Variants in PCDHGB4 observed in about 807,000 individuals in gnomAD.
PCDHGB4 encodes the protein protocadherin gamma-B4.
PCDHGB4 carries 38 observed loss-of-function variants against 60.5 expected under a neutral mutation model. The ratio of observed to expected loss-of-function variants is 0.63; its 90% confidence interval spans 0.48 to 0.82. PCDHGB4 has a LOEUF of 0.82. Ranked by LOEUF, PCDHGB4 falls within the 40% of genes least tolerant of loss-of-function variation. PCDHGB4 has a pLI of 0.00. For missense variants in PCDHGB4, 1,109 were observed against 1,209.6 expected, an observed-to-expected ratio of 0.92 and a Z score of 1.23; for synonymous variants, 456 against 509.7, an observed-to-expected ratio of 0.89 and a Z score of 1.42.
chr5:141,441,230 ATTTAAATCACAAGATC>A (rs1009424536), intron 1 of PCDHGB4: 1 of 152,196 alleles, frequency 6.6e-6, no homozygotes, highest in African/African-American at 2.4e-5. Context: ...ACTGTCCAGG[ATTTAAATCACAAGATC>A]TTTAAATCAC....
In PCDHGB4 at chr5:141,485,457, T is replaced by G; in HGVS notation, c.2398-9350T>G. 1 of 1,614,124 alleles carries G rather than the reference T, an allele frequency of 6.2e-7. No individual in the cohort carries two copies. Among genetic ancestry groups the G allele is most frequent in the Non-Finnish European group, 8.5e-7 (1 of 1,180,020 alleles). On this transcript the variant is annotated intron_variant, in intron 1 of 3. Coordinates refer to ENST00000519479, the MANE Select transcript of PCDHGB4 (RefSeq NM_003736.4). This position sits in a 1 kb window ranked among gnomAD's most constrained non-coding sequence, Gnocchi z 5.7. ...AAGAACCCAATCGACCGAGAGGCAC[T>G]GTGTGGGCTCAGTGCCAGCTGCATC...
At chr5:141,426,033 C>G (rs978171140) in intron 1 of PCDHGB4, among the ~76,000 whole-genome samples, 14 of 152,162 alleles carry the variant, frequency 9.2e-5, no homozygotes, top group African/African-American at 3.1e-4. Context: ...AGACTCAGAG[C>G]CCTGCTGTTG....
rs200524415 is a variant in PCDHGB4, at chr5:141,487,436, G to C, written c.2398-7371G>C. 1 of 1,614,176 alleles carries C rather than the reference G, an allele frequency of 6.2e-7. No individual in the cohort carries two copies. Among genetic ancestry groups the C allele is most frequent in the East Asian group, 2.2e-5 (1 of 44,870 alleles). ...CAATGGGATCCTCCGAATCCAGCTAGGGTCAGATGACCCTATCAAGTTTGT... is the reference window on the plus strand; with the variant it reads ...CAATGGGATCCTCCGAATCCAGCTACGGTCAGATGACCCTATCAAGTTTGT... On this transcript the variant is annotated intron_variant, in intron 1 of 3. Coordinates refer to ENST00000519479, the MANE Select transcript of PCDHGB4 (RefSeq NM_003736.4). This position sits in a 1 kb window ranked among gnomAD's most constrained non-coding sequence, Gnocchi z 5.0.
chr5:141,402,908 G>C (rs772824235), intron 1 of PCDHGB4: 1 of 1,545,226 alleles, frequency 6.5e-7, no homozygotes, highest in African/African-American at 1.4e-5. Flanking sequence ...TGATGAAGCA[G>C]CGCGCACAGA....
rs773471969 is a variant in PCDHGB4, at chr5:141,422,101, A to G, written c.2397+31820A>G. 11 of 1,610,046 alleles carry G rather than the reference A, an allele frequency of 6.8e-6. No individual in the cohort carries two copies. The highest frequency in any genetic ancestry group is 4.5e-5 in the East Asian group (2 of 44,870). ...GAACATGGAAAGCAAGGCTTCTGAA[A>G]TATTCCAATTGGATTCACAAACTGG... On this transcript the variant is annotated intron_variant, in intron 1 of 3. Coordinates refer to ENST00000519479, the MANE Select transcript of PCDHGB4 (RefSeq NM_003736.4).
At position 141,418,775 on chromosome 5, in the gene PCDHGB4, C is replaced by T. The variant is rs773519128; in HGVS notation, c.2397+28494C>T. 4 of 1,613,764 alleles carry T rather than the reference C, an allele frequency of 2.5e-6. No individual in the cohort carries two copies. In the East Asian group the frequency reaches 6.7e-5, roughly 27 times the overall value. ...TACAGGAAACATTCTAACTCAGCAG[C>T]CTTTGGATTTTGAAGAAGTAGAAAG... On this transcript the variant is annotated intron_variant, in intron 1 of 3. Transcript: ENST00000519479.
intron 1 of PCDHGB4, chr5:141,421,623 C>T: frequency 6.2e-7 from 1 of 1,613,810 alleles, no homozygotes. Flanking sequence ...ATAACGCCCC[C>T]AGCTTCCAGG....
chr5:141,392,955 A>G, intron 1 of PCDHGB4: 1 of 1,613,920 alleles, frequency 6.2e-7, no homozygotes, highest in Non-Finnish European at 8.5e-7. Flanking sequence ...CGTGGGTAAT[A>G]TCTCCAAGGA....
chr5:141,476,206 C>A lies in PCDHGB4; in HGVS notation c.2398-18601C>A. On this transcript the variant is annotated intron_variant, in intron 1 of 3. Transcript: ENST00000519479. This position sits in a 1 kb window ranked among gnomAD's most constrained non-coding sequence, Gnocchi z 7.6. ...TGCTTGGTGCCTTGAACAAGGCTTC[C>A]ACGGTCATTCACTATGAGATCCCGG... 1 of 1,613,930 alleles carries A rather than the reference C, an allele frequency of 6.2e-7. No individual in the cohort carries two copies. The highest frequency in any genetic ancestry group is 1.7e-5 in the Admixed American group (1 of 60,004).
In PCDHGB4 at chr5:141,489,091, T is replaced by TCAG. The variant is rs2099682519; in HGVS notation, c.2398-5716_2398-5715insCAG. On this transcript the variant is annotated intron_variant, in intron 1 of 3. Transcript: ENST00000519479. This position sits in a 1 kb window ranked among gnomAD's most constrained non-coding sequence, Gnocchi z 4.5. ...CTGCCCACCCCCGCCACTCGGTGACTAAGAACTGCTGCAAGCAGGCAAACC... is the reference window on the plus strand; with the variant it reads ...CTGCCCACCCCCGCCACTCGGTGACTCAGAAGAACTGCTGCAAGCAGGCAAACC... The TCAG allele has an allele frequency of 3.0e-6, 1 of 333,056 alleles. No individual in the cohort carries two copies. Among genetic ancestry groups the TCAG allele is most frequent in the Non-Finnish European group, 5.5e-6 (1 of 181,380 alleles). 20.6% of individuals were successfully genotyped at this position (333,056 alleles called of 1,614,324 possible). A position where few individuals can be genotyped will look rare whatever the true frequency, so the allele number is the denominator to read the frequency against.
Position 141,485,392 on chromosome 5 carries a change from A to G in PCDHGB4, c.2398-9415A>G. ...AGGTCGCTGGAGAGGTGAACCAAAG[A>G]CACTTCCGTGTGGATTTGGACAGCG... On this transcript the variant is annotated intron_variant, in intron 1 of 3. Coordinates refer to ENST00000519479, the MANE Select transcript of PCDHGB4 (RefSeq NM_003736.4). This position sits in a 1 kb window ranked among gnomAD's most constrained non-coding sequence, Gnocchi z 5.7. 1 of 1,613,918 alleles carries G rather than the reference A, an allele frequency of 6.2e-7. No homozygotes were observed. The highest frequency in any genetic ancestry group is 8.5e-7 in the Non-Finnish European group (1 of 1,179,938).
chr5:141,415,227 T>A, intron 1 of PCDHGB4: 2 of 1,614,126 alleles, frequency 1.2e-6, no homozygotes, highest in African/African-American at 2.7e-5. Context: ...GCTTCGAGTC[T>A]CCAGCTAACT....
At position 141,502,866 on chromosome 5, in the gene PCDHGB4, C is replaced by CTTTTTTTTTTT. The variant is rs549047197; in HGVS notation, c.2457-2523_2457-2513dup. Among the ~76,000 whole-genome samples the CTTTTTTTTTTT allele has an allele frequency of 4.4e-4, 56 of 128,014 alleles. 1 individual carries two copies. The highest frequency in any genetic ancestry group is 5.1e-4 in the Non-Finnish European group (32 of 62,412). The allele number at this position is 128,014 out of a possible 152,430, so 84.0% of individuals were successfully genotyped here. ...GAGCTGCCTAACCCTGACTCTCTGTCTTTTTTTTTTTTTTGACAGGGAGTC... is the reference window on the plus strand; with the variant it reads ...GAGCTGCCTAACCCTGACTCTCTGTCTTTTTTTTTTTTTTTTTTTTTTTTTGACAGGGAGTC... On this transcript the variant is annotated intron_variant, in intron 2 of 3. Coordinates refer to ENST00000519479, the MANE Select transcript of PCDHGB4 (RefSeq NM_003736.4).
chr5:141,395,290 T>G, intron 1 of PCDHGB4: 1 of 1,529,838 alleles, frequency 6.5e-7, no homozygotes, highest in Non-Finnish European at 8.8e-7. Context: ...TTATTTGGCA[T>G]AAATTATGTT....
intron 1 of PCDHGB4, among the ~76,000 whole-genome samples, chr5:141,467,032 T>G (rs551565159): frequency 2.0e-5 from 3 of 152,164 alleles, no homozygotes; most frequent in Non-Finnish European, 2.9e-5. Flanking sequence ...GTTTTTGTTT[T>G]TTGTGTAATG....
Position 141,491,636 on chromosome 5 carries a change from C to T in PCDHGB4, c.2398-3171C>T. ...AGACCCCTCAGCGTTCAGCAGCCCA[C>T]AGCTCTGGCGCTGGAGCCTGACGCC... On this transcript the variant is annotated intron_variant, in intron 1 of 3. Coordinates refer to ENST00000519479, the MANE Select transcript of PCDHGB4 (RefSeq NM_003736.4). This position sits in a 1 kb window ranked among gnomAD's most constrained non-coding sequence, Gnocchi z 6.9. 6.2e-7 allele frequency: 1 copy of T among 1,613,922 alleles called. No homozygotes were observed. Among genetic ancestry groups the T allele is most frequent in the Non-Finnish European group, 8.5e-7 (1 of 1,180,020 alleles).
intron 1 of PCDHGB4, chr5:141,433,358 C>CCCAT (rs1554125967): frequency 7.1e-5 from 36 of 503,934 alleles, no homozygotes; most frequent in African/African-American, 1.2e-4. Flanking sequence ...CTACTGTCTG[C>CCCAT]CTATCTATCT....
chr5:141,465,995 A>C lies in PCDHGB4; in HGVS notation c.2398-28812A>C, dbSNP rs551920109. On this transcript the variant is annotated intron_variant, in intron 1 of 3. Coordinates refer to ENST00000519479, the MANE Select transcript of PCDHGB4 (RefSeq NM_003736.4). ...AAATTAGCCGGGCATGGTGGCAGGC[A>C]CCTGTAGTCCCAGCTACTCGGGAGG... Among the ~76,000 whole-genome samples the C allele has an allele frequency of 1.3e-4, 20 of 151,982 alleles. No homozygotes were observed. In the South Asian group the frequency reaches 4.2e-3, roughly 32 times the overall value.
chr5:141,394,081 T>C, intron 1 of PCDHGB4: 3 of 1,613,892 alleles, frequency 1.9e-6, no homozygotes, highest in Non-Finnish European at 2.5e-6. Context: ...ATCACAGTGA[T>C]GGCCTCAGAT....
Sources: gnomAD v4.1 joint callset for allele counts (sites outside exome capture counted in the v4.1 genomes callset) on GRCh38, gnomAD v4.1.1 for gene constraint, Gnocchi (gnomAD v3.1) non-coding constraint, MANE v1.5 for transcripts, NCBI Gene and HGNC (gene_info 2026-07-23, HGNC 2026-07-21) for gene names.